EDIL3: variants seen among roughly 807,000 people sequenced by gnomAD.
EDIL3 encodes the protein EGF like and discoidin domains 3.
EDIL3 carries 37 observed loss-of-function variants against 67.4 expected under a neutral mutation model. That is an observed-to-expected ratio of 0.55 (90% CI 0.42 to 0.72). The LOEUF is 0.72. Ranked by LOEUF, EDIL3 falls within the 30% of genes least tolerant of loss-of-function variation. The pLI, the probability that EDIL3 is intolerant of heterozygous loss-of-function variation, is 0.00. For synonymous variants in EDIL3, 195 were observed against 196.3 expected (o/e 0.99, Z 0.05); for missense variants, 527 against 586.3 (o/e 0.90, Z 1.04).
chr5:84,220,652 C>G (rs3776900), intron 3 of EDIL3, among the ~76,000 whole-genome samples: 51,967 of 151,768 alleles, frequency 0.34, 9,460 homozygotes, highest in African/African-American at 0.48. Context: ...TTAAGGAGTA[C>G]CCTCATTTTT....
intron 9 of EDIL3, among the ~76,000 whole-genome samples, chr5:83,990,988 T>C (rs2112159275): frequency 6.6e-6 from 1 of 152,230 alleles, no homozygotes; most frequent in East Asian, 1.9e-4. Context: ...GTAAGAGTTT[T>C]TGCATTATTT....
chr5:84,264,504 C>T (rs779473167), intron 1 of EDIL3, among the ~76,000 whole-genome samples: 16 of 152,140 alleles, frequency 1.1e-4, no homozygotes, highest in East Asian at 1.9e-4. Context: ...AGTGCAGGCA[C>T]GCAGCAGATG....
At chr5:84,262,981 T>A (rs1416301318) in intron 1 of EDIL3, among the ~76,000 whole-genome samples, 1 of 151,944 alleles carries the variant, frequency 6.6e-6, no homozygotes, top group African/African-American at 2.4e-5. Flanking sequence ...CCCCAAGCAT[T>A]TTTGACTATA....
chr5:84,233,956 A>C (rs1418208887), intron 2 of EDIL3, among the ~76,000 whole-genome samples: 1 of 152,176 alleles, frequency 6.6e-6, no homozygotes, highest in African/African-American at 2.4e-5. Context: ...CCACTGAATC[A>C]TATCAACCAT....
intron 1 of EDIL3, among the ~76,000 whole-genome samples, chr5:84,283,082 G>A (rs1195719253): frequency 6.6e-6 from 1 of 151,792 alleles, no homozygotes; most frequent in Non-Finnish European, 1.5e-5. Context: ...AGGTAAGCTG[G>A]TAAAGTTTAT....
chr5:84,380,222 TAGA>T (rs1266041638), intron 1 of EDIL3, among the ~76,000 whole-genome samples: 2 of 152,056 alleles, frequency 1.3e-5, no homozygotes, highest in African/African-American at 4.8e-5. Context: ...AAAATCATTT[TAGA>T]AGAATATTTA....
At chr5:84,147,399 T>G (rs1748307132) in intron 4 of EDIL3, among the ~76,000 whole-genome samples, 1 of 151,672 alleles carries the variant, frequency 6.6e-6, no homozygotes, top group African/African-American at 2.4e-5. Flanking sequence ...GTATGTTGAA[T>G]TTTTTTTTCT....
chr5:84,361,403 C>T (rs912923001), intron 1 of EDIL3, among the ~76,000 whole-genome samples: 5 of 151,862 alleles, frequency 3.3e-5, no homozygotes, highest in African/African-American at 7.3e-5. Flanking sequence ...CTATAACTAT[C>T]AATATTTTTA....
At chr5:84,366,819 G>C (rs1179304959) in intron 1 of EDIL3, among the ~76,000 whole-genome samples, 2 of 152,090 alleles carry the variant, frequency 1.3e-5, no homozygotes, top group African/African-American at 4.8e-5. Context: ...AAGTGTTTCA[G>C]AGAAGAAAAG....
At chr5:84,143,840 C>T (rs1166541774) in intron 4 of EDIL3, among the ~76,000 whole-genome samples, 4 of 151,936 alleles carry the variant, frequency 2.6e-5, no homozygotes, top group Non-Finnish European at 5.9e-5. Flanking sequence ...GGGATGTTAC[C>T]TCAGTGGCAT....
At chr5:84,134,378 G>A (rs970134086) in intron 5 of EDIL3, among the ~76,000 whole-genome samples, 1 of 152,108 alleles carries the variant, frequency 6.6e-6, no homozygotes, top group Non-Finnish European at 1.5e-5. Context: ...ATGAGGGAAA[G>A]GCTGCCCTCT....
intron 3 of EDIL3, among the ~76,000 whole-genome samples, chr5:84,190,549 A>ATGTGTGTGTGTGTGTGTGTGTG (rs1220169426): frequency 7.4e-6 from 1 of 134,894 alleles, no homozygotes; most frequent in African/African-American, 2.9e-5. Flanking sequence ...ATATATATAT[A>ATGTGTGTGTGTGTGTGTGTGTG]TATGTGTGTG....
At chr5:84,107,432 G>A (rs1239962394) in intron 5 of EDIL3, among the ~76,000 whole-genome samples, 1 of 151,418 alleles carries the variant, frequency 6.6e-6, no homozygotes, top group Admixed American at 6.6e-5. Flanking sequence ...TAAAATATAT[G>A]TAGACAAATT....
intron 9 of EDIL3, among the ~76,000 whole-genome samples, chr5:83,971,199 C>T (rs1039061789): frequency 6.6e-6 from 1 of 151,020 alleles, no homozygotes; most frequent in Non-Finnish European, 1.5e-5. Flanking sequence ...AATATAGCAC[C>T]TCTCTTATTT....
intron 1 of EDIL3, among the ~76,000 whole-genome samples, chr5:84,370,898 A>G (rs1747829086): frequency 2.0e-5 from 3 of 152,252 alleles, no homozygotes; most frequent in Middle Eastern, 3.4e-3. Context: ...AGATGTATAT[A>G]CCAGCAGAGT....
intron 9 of EDIL3, among the ~76,000 whole-genome samples, chr5:84,020,780 A>G (rs1436280314): frequency 3.3e-5 from 5 of 152,048 alleles, no homozygotes; most frequent in African/African-American, 1.2e-4. Flanking sequence ...TAGCATAGTT[A>G]TGCTTTTTAA....
intron 9 of EDIL3, among the ~76,000 whole-genome samples, chr5:83,969,118 T>G (rs1580257695): frequency 6.6e-6 from 1 of 151,886 alleles, no homozygotes; most frequent in East Asian, 1.9e-4. Context: ...CTTTATTTCT[T>G]AATATTTCAA....
intron 1 of EDIL3, among the ~76,000 whole-genome samples, chr5:84,305,918 A>G (rs2650470): frequency 0.39 from 57,905 of 149,662 alleles, 11,700 homozygotes; most frequent in South Asian, 0.49. Flanking sequence ...TAAATAAATA[A>G]ATAGATAGAT....
At chr5:83,947,084 C>A (rs1208760233) in intron 10 of EDIL3, among the ~76,000 whole-genome samples, 2 of 151,706 alleles carry the variant, frequency 1.3e-5, no homozygotes, top group Non-Finnish European at 2.9e-5. Flanking sequence ...ATCACTTCAT[C>A]CCTCTGGGTT....
Sources: gnomAD v4.1 joint callset for allele counts (sites outside exome capture counted in the v4.1 genomes callset) on GRCh38, gnomAD v4.1.1 for gene constraint, MANE v1.5 for transcripts, NCBI Gene and HGNC (gene_info 2026-07-23, HGNC 2026-07-21) for gene names.